The following CNTN4 variants were observed in gnomAD, a reference collection of about 807,000 sequenced individuals.
The protein encoded by CNTN4 is contactin-4.
A neutral mutation model predicts 122.5 loss-of-function variants in CNTN4; 77 were observed. That is an observed-to-expected ratio of 0.63 (90% CI 0.52 to 0.76). The LOEUF (loss-of-function observed/expected upper bound fraction) is 0.76. Among genes scored for constraint, CNTN4 ranks in the 30% least tolerant of loss-of-function variants. The pLI is 0.00. For synonymous variants in CNTN4, 512 were observed against 447.0 expected, an observed-to-expected ratio of 1.15 and a Z score of -1.83; for missense variants, 1,256 against 1,259.1, an observed-to-expected ratio of 1.00 and a Z score of 0.04.
chr3:2,184,397 G>A (rs1261119969), intron 2 of CNTN4, among the ~76,000 whole-genome samples: 2 of 152,142 alleles, frequency 1.3e-5, no homozygotes, highest in African/African-American at 2.4e-5. Context: ...GTGAGGGTGA[G>A]CTGTGGTGTC....
intron 4 of CNTN4, among the ~76,000 whole-genome samples, chr3:2,726,726 A>C (rs935012281): frequency 1.3e-5 from 2 of 152,236 alleles, no homozygotes; most frequent in Admixed American, 1.3e-4. Context: ...AGGGTAGTAC[A>C]CTACTCTGTG....
At chr3:2,498,615 G>A (rs750457376) in intron 3 of CNTN4, among the ~76,000 whole-genome samples, 1 of 151,952 alleles carries the variant, frequency 6.6e-6, no homozygotes. Flanking sequence ...AGAGGAGCTG[G>A]AACTACAAGC....
intron 3 of CNTN4, among the ~76,000 whole-genome samples, chr3:2,509,538 A>G (rs145541533): frequency 3.3e-4 from 51 of 152,314 alleles, no homozygotes; most frequent in Non-Finnish European, 5.9e-4. Flanking sequence ...TAATAAATCT[A>G]TTCGAGGGCA....
chr3:2,829,543 CAAG>C (rs993448100), intron 7 of CNTN4, among the ~76,000 whole-genome samples: 28 of 152,260 alleles, frequency 1.8e-4, no homozygotes, highest in African/African-American at 6.5e-4. Context: ...CCAGATATGA[CAAG>C]AAGAAGTGAG....
At chr3:2,347,251 G>A (rs2044430932) in intron 3 of CNTN4, among the ~76,000 whole-genome samples, 1 of 152,042 alleles carries the variant, frequency 6.6e-6, no homozygotes, top group African/African-American at 2.4e-5. Context: ...TCTTGGTGGA[G>A]GCACCATCTG....
chr3:3,023,272 C>T (rs892521767), intron 14 of CNTN4, among the ~76,000 whole-genome samples: 2 of 152,158 alleles, frequency 1.3e-5, no homozygotes, highest in African/African-American at 2.4e-5. Context: ...CATGACGTTG[C>T]ATTGATTCTT....
intron 16 of CNTN4, among the ~76,000 whole-genome samples, chr3:3,031,592 C>CCT (rs1553732029): frequency 6.6e-6 from 1 of 151,974 alleles, no homozygotes; most frequent in African/African-American, 2.4e-5. Context: ...ATGACCCCCC[C>CCT]GGCTGAGCAA....
At chr3:2,147,733 C>G (rs1228619686) in intron 2 of CNTN4, among the ~76,000 whole-genome samples, 2 of 152,192 alleles carry the variant, frequency 1.3e-5, no homozygotes, top group Non-Finnish European at 2.9e-5. Context: ...TGACACAATT[C>G]TAGTCTACCT....
At chr3:2,771,432 C>G (rs7620050) in intron 6 of CNTN4, among the ~76,000 whole-genome samples, 23,988 of 152,118 alleles carry the variant, frequency 0.16, 2,523 homozygotes, top group East Asian at 0.29. Context: ...CAGAATTACC[C>G]ACACTATTTA....
intron 8 of CNTN4, among the ~76,000 whole-genome samples, chr3:2,870,105 A>G (rs2093768049): frequency 6.6e-6 from 1 of 152,214 alleles, no homozygotes; most frequent in Admixed American, 6.5e-5. Context: ...CGTCACACAG[A>G]ACTGCCTCTT....
chr3:2,942,549 G>T (rs62232838), intron 13 of CNTN4, among the ~76,000 whole-genome samples: 11,321 of 152,224 alleles, frequency 0.074, 483 homozygotes, highest in Middle Eastern at 0.12. Context: ...GGCAAATCAT[G>T]TGGTGATGGA....
Position 3,030,887 on chromosome 3 carries a change from C to T in CNTN4, c.1695C>T (p.Asn565=). ...CAGCTGGTGATTTGATGATCCGAAA[C>T]ATCCAACTGAAGCATGCTGGGAAAT... ...QDSAGDLMIR[N]IQLKHAGKYV... The change falls in exon 16 of 25, where the codon AAC becomes AAT. Residue 565 remains asparagine (N), a synonymous_variant. Transcript: ENST00000418658. The T allele has an allele frequency of 6.2e-7, 1 of 1,614,076 alleles. No individual in the cohort carries two copies. Among genetic ancestry groups the T allele is most frequent in the Non-Finnish European group, 8.5e-7 (1 of 1,179,914 alleles).
intron 2 of CNTN4, among the ~76,000 whole-genome samples, chr3:2,109,767 T>A (rs1219508277): frequency 6.6e-6 from 1 of 152,236 alleles, no homozygotes; most frequent in East Asian, 1.9e-4. Flanking sequence ...TAAATACGAA[T>A]TTTTTTGTCT....
At chr3:2,612,506 T>C (rs888935011) in intron 4 of CNTN4, among the ~76,000 whole-genome samples, 1 of 152,128 alleles carries the variant, frequency 6.6e-6, no homozygotes, top group Non-Finnish European at 1.5e-5. Flanking sequence ...CACACACAGT[T>C]GCTTTTGCAG....
At chr3:2,411,887 T>G (rs1312034069) in intron 3 of CNTN4, among the ~76,000 whole-genome samples, 1 of 152,176 alleles carries the variant, frequency 6.6e-6, no homozygotes, top group South Asian at 2.1e-4. Context: ...CATCTATTGC[T>G]CCATATATGT....
intron 3 of CNTN4, among the ~76,000 whole-genome samples, chr3:2,397,611 A>G (rs1479975191): frequency 6.6e-6 from 1 of 152,112 alleles, no homozygotes; most frequent in Non-Finnish European, 1.5e-5. Flanking sequence ...CACACTGCTC[A>G]GCATTGCAGT....
chr3:2,139,387 A>G (rs561006517), intron 2 of CNTN4, among the ~76,000 whole-genome samples: 5 of 152,326 alleles, frequency 3.3e-5, no homozygotes, highest in African/African-American at 1.2e-4. Flanking sequence ...AATGGGATAT[A>G]TCCTCCTGTT....
intron 6 of CNTN4, among the ~76,000 whole-genome samples, chr3:2,776,573 G>C (rs768573948): frequency 1.3e-5 from 2 of 152,098 alleles, no homozygotes; most frequent in African/African-American, 4.8e-5. Flanking sequence ...TCTTTTACAC[G>C]TGAATTTGTG....
chr3:3,049,623 T>C (rs9856010), intron 23 of CNTN4, among the ~76,000 whole-genome samples: 103,538 of 151,770 alleles, frequency 0.68, 35,670 homozygotes, highest in East Asian at 0.86. Flanking sequence ...AAAAAGAGGC[T>C]AGAGTGAGGG....
Sources: gnomAD v4.1 joint callset for allele counts (sites outside exome capture counted in the v4.1 genomes callset) on GRCh38, gnomAD v4.1.1 for gene constraint, MANE v1.5 for transcripts, NCBI Gene and HGNC (gene_info 2026-07-23, HGNC 2026-07-21) for gene names.